CIMAP3: variants seen among roughly 807,000 people sequenced by gnomAD.
CIMAP3 encodes the protein ciliary microtubule associated protein 3, also known as ciliary microtubule-associated protein 3.
At chr1:111,330,149 T>C in the CIMAP3 span, among the ~76,000 whole-genome samples, 4 of 152,366 alleles carry the variant, frequency 2.6e-5, no homozygotes, top group South Asian at 8.3e-4. Context: ...CTTGATAATC[T>C]TTGTTCCTAT....
At chr1:111,346,934 G>T in the CIMAP3 span, 2 of 1,613,870 alleles carry the variant, frequency 1.2e-6, no homozygotes, top group South Asian at 1.1e-5. Context: ...TACCCTTTTG[G>T]AACATGTCAA....
At chr1:111,336,394 A>T in the CIMAP3 span, among the ~76,000 whole-genome samples, 1 of 152,074 alleles carries the variant, frequency 6.6e-6, no homozygotes, top group African/African-American at 2.4e-5. Flanking sequence ...CAGACAATCA[A>T]ACTACGAGCT....
the CIMAP3 span, among the ~76,000 whole-genome samples, chr1:111,336,394 AACT>A: frequency 4.6e-5 from 7 of 152,074 alleles, no homozygotes; most frequent in African/African-American, 1.7e-4. Flanking sequence ...CAGACAATCA[AACT>A]ACGAGCTACA....
chr1:111,346,596 A>G, the CIMAP3 span: 3 of 1,611,632 alleles, frequency 1.9e-6, no homozygotes, highest in Non-Finnish European at 2.5e-6. Flanking sequence ...GAATCACGGG[A>G]CTAGCCTTCG....
chr1:111,352,849 CTGTT>C, the CIMAP3 span: 6 of 152,078 alleles, frequency 3.9e-5, no homozygotes, highest in African/African-American at 1.4e-4. Flanking sequence ...ATCTTTCACA[CTGTT>C]TGGTACAGAG....
At chr1:111,349,945 T>G in the CIMAP3 span, 2 of 577,052 alleles carry the variant, frequency 3.5e-6, no homozygotes, top group East Asian at 5.5e-5. Flanking sequence ...TAACTCGAAA[T>G]ACATTAACAG....
the CIMAP3 span, among the ~76,000 whole-genome samples, chr1:111,340,660 C>T: frequency 2.0e-5 from 3 of 152,118 alleles, no homozygotes; most frequent in Non-Finnish European, 2.9e-5. Flanking sequence ...AGTGAGATAC[C>T]ATCTCACACC....
the CIMAP3 span, among the ~76,000 whole-genome samples, chr1:111,328,194 T>G: frequency 6.6e-6 from 1 of 152,254 alleles, no homozygotes; most frequent in East Asian, 1.9e-4. Context: ...CTATTTTTAT[T>G]GTGCTGTGGT....
At chr1:111,338,461 AAAG>A in the CIMAP3 span, among the ~76,000 whole-genome samples, 1 of 127,974 alleles carries the variant, frequency 7.8e-6, no homozygotes, top group South Asian at 2.7e-4. Flanking sequence ...CAAGAATAAT[AAAG>A]AAAAAAAGAG....
At chr1:111,328,347 G>A in the CIMAP3 span, among the ~76,000 whole-genome samples, 155 of 152,320 alleles carry the variant, frequency 1.0e-3, no homozygotes, top group African/African-American at 2.0e-3. Context: ...AGAGAGTTCT[G>A]TAAAGGTCTA....
the CIMAP3 span, chr1:111,350,254 C>A: frequency 2.0e-6 from 3 of 1,509,004 alleles, no homozygotes; most frequent in Non-Finnish European, 2.8e-6. Context: ...GTAGAAGACT[C>A]TTATTCGATC....
the CIMAP3 span, among the ~76,000 whole-genome samples, chr1:111,343,702 A>G: frequency 2.6e-5 from 4 of 152,248 alleles, no homozygotes; most frequent in Non-Finnish European, 4.4e-5. Context: ...GTCTTTGACT[A>G]TACGATGTTC....
the CIMAP3 span, chr1:111,324,705 G>A: frequency 1.0e-6 from 1 of 985,342 alleles, no homozygotes; most frequent in Non-Finnish European, 1.2e-6. Context: ...CCATGTGAGA[G>A]TGGCAACTCA....
chr1:111,342,151 C>G, the CIMAP3 span, among the ~76,000 whole-genome samples: 1 of 152,250 alleles, frequency 6.6e-6, no homozygotes, highest in African/African-American at 2.4e-5. Context: ...GAGAAAGAGA[C>G]GATCCTAAAA....
the CIMAP3 span, chr1:111,346,768 C>T: frequency 1.4e-5 from 21 of 1,553,588 alleles, no homozygotes; most frequent in Middle Eastern, 3.4e-4. Flanking sequence ...CAGTTCGCCC[C>T]CCTCCAGGAG....
At chr1:111,347,198 G>T in the CIMAP3 span, 1 of 938,632 alleles carries the variant, frequency 1.1e-6, no homozygotes, top group African/African-American at 1.7e-5. Context: ...TCTGCAAGCA[G>T]CTGTTTCAGC....
chr1:111,339,419 C>G, the CIMAP3 span, among the ~76,000 whole-genome samples: 1 of 149,922 alleles, frequency 6.7e-6, no homozygotes, highest in East Asian at 1.9e-4. Context: ...CAAATTGTCC[C>G]TGTTTGCAGA....
chr1:111,333,805 T>C, the CIMAP3 span, among the ~76,000 whole-genome samples: 1,203 of 152,328 alleles, frequency 7.9e-3, 15 homozygotes, highest in African/African-American at 0.027. Context: ...GCCTTGGTAC[T>C]GTCTTCTTTT....
the CIMAP3 span, chr1:111,351,348 G>A: frequency 5.2e-6 from 8 of 1,536,348 alleles, no homozygotes; most frequent in South Asian, 3.7e-5. Context: ...CTACCTTCAC[G>A]TGCTCCTCTT....
Sources: gnomAD v4.1 joint callset for allele counts (sites outside exome capture counted in the v4.1 genomes callset) on GRCh38, gnomAD v4.1.1 for gene constraint, MANE v1.5 for transcripts, NCBI Gene and HGNC (gene_info 2026-07-23, HGNC 2026-07-21) for gene names.